The following NIN variants were observed in gnomAD, a reference collection of about 807,000 sequenced individuals.
NIN encodes ninein, also known as glycogen synthase kinase 3 beta-interacting protein.
In NIN, 137 loss-of-function variants were observed where a neutral mutation model predicts 257.6. That is an observed-to-expected ratio of 0.53 (90% confidence interval 0.46 to 0.61). NIN has a LOEUF of 0.61. Ranked by LOEUF, NIN falls within the 20% of genes least tolerant of loss-of-function variation. The probability of loss-of-function intolerance (pLI) is 0.00; values close to 1 mark genes in which losing one functional copy is unlikely to be tolerated. For synonymous variants in NIN, 918 were observed against 919.8 expected, an observed-to-expected ratio of 1.00 and a Z score of 0.04; for missense variants, 2,439 against 2,501.2, an observed-to-expected ratio of 0.98 and a Z score of 0.53.
At chr14:50,817,753 G>A (rs575414095) in intron 3 of NIN, among the ~76,000 whole-genome samples, 1 of 152,202 alleles carries the variant, frequency 6.6e-6, no homozygotes, top group African/African-American at 2.4e-5. Flanking sequence ...ATCTCGCTCT[G>A]TCGCCAGGCT....
chr14:50,811,213 A>C (rs1460583310), intron 3 of NIN, among the ~76,000 whole-genome samples: 2 of 151,146 alleles, frequency 1.3e-5, no homozygotes, highest in Non-Finnish European at 2.9e-5. Flanking sequence ...GGTTCAAGCA[A>C]TTCTCCTGCC....
At chr14:50,791,306 G>A (rs1480326029) in intron 5 of NIN, among the ~76,000 whole-genome samples, 1 of 152,132 alleles carries the variant, frequency 6.6e-6, no homozygotes, top group East Asian at 1.9e-4. Context: ...TTTTACTGGG[G>A]AAAGACCCCT....
intron 16 of NIN, among the ~76,000 whole-genome samples, chr14:50,761,141 C>T (rs1234743121): frequency 6.6e-6 from 1 of 151,688 alleles, no homozygotes; most frequent in African/African-American, 2.4e-5. Flanking sequence ...AAAAGGTATA[C>T]AAAAAAGAGC....
chr14:50,748,088 A>C lies in NIN; in HGVS notation c.4968T>G (p.Ser1656=), dbSNP rs762240872. The C allele has an allele frequency of 3.1e-6, 5 of 1,612,934 alleles. No individual in the cohort carries two copies. In the East Asian group the frequency reaches 8.9e-5, roughly 29 times the overall value. The change falls in exon 22 of 31, where the codon TCT becomes TCG. Residue 1656 remains serine (S), a synonymous_variant. Transcript: ENST00000530997. Reference sequence around the variant, plus strand: ...CTTCAGAGAGCTCCGCCTCCAGAGAAGACACTAAAGTGGAGGACTAAGAGA... The same window carrying C: ...CTTCAGAGAGCTCCGCCTCCAGAGACGACACTAAAGTGGAGGACTAAGAGA... ...RCKVQSSTLV[S]SLEAELSEVK...
At chr14:50,775,952 A>T (rs1019121844) in intron 7 of NIN, among the ~76,000 whole-genome samples, 5 of 152,200 alleles carry the variant, frequency 3.3e-5, no homozygotes, top group Non-Finnish European at 5.9e-5. Flanking sequence ...CAACAAAAAA[A>T]ATTTTCTGTA....
intron 10 of NIN, 28 bp from the exon 11 acceptor site, chr14:50,771,020 G>A: frequency 2.5e-6 from 4 of 1,605,322 alleles, no homozygotes; most frequent in Non-Finnish European, 3.4e-6. Flanking sequence ...CTGAGTTAAT[G>A]GGAAACTGTT....
Position 50,729,255 on chromosome 14 carries a change from G to T in NIN, c.6078+268C>A, listed in dbSNP as rs903300916. 4.0e-4 allele frequency among the ~76,000 whole-genome samples: 54 copies of T among 133,660 alleles called. 1 individual carries two copies. The highest frequency in any genetic ancestry group is 1.9e-3 in the South Asian group (8 of 4,242). The allele number at this position is 133,660 out of a possible 152,430, so 87.7% of individuals were successfully genotyped here. ...AAAGAAGATTTAGGATTGTGATTTT[G>T]TTTTTTTTTTTTTTAATTTAAGAGA... is the stretch of plus-strand genomic sequence containing the variant. On this transcript the variant is annotated intron_variant, in intron 29 of 30. Transcript: ENST00000530997.
chr14:50,831,113 C>T lies in NIN; in HGVS notation c.-183G>A, dbSNP rs1027579518. ...CGGCCGCGCCCAGCGCGCTCGGCTC[C>T]CGGCTCGGCCGCGGCCACCCGGAGC... On this transcript the variant is annotated 5_prime_UTR_variant, in exon 1 of 31. Transcript: ENST00000530997. 2 of 149,778 alleles carry T rather than the reference C, an allele frequency of 1.3e-5. No homozygotes were observed. Among genetic ancestry groups the T allele is most frequent in the African/African-American group, 4.9e-5 (2 of 41,182 alleles). 9.3% of individuals were successfully genotyped at this position (149,778 alleles called of 1,614,324 possible).
At chr14:50,815,778 G>C (rs910655792) in intron 3 of NIN, among the ~76,000 whole-genome samples, 1 of 152,196 alleles carries the variant, frequency 6.6e-6, no homozygotes, top group African/African-American at 2.4e-5. Flanking sequence ...GGGAGGACGA[G>C]GTGGGCGGAT....
At position 50,743,433 on chromosome 14, in the gene NIN, C is replaced by T. The variant is rs980737371; in HGVS notation, c.5284G>A (p.Val1762Met). 5 of 1,611,372 alleles carry T rather than the reference C, an allele frequency of 3.1e-6. No individual in the cohort carries two copies. The highest frequency in any genetic ancestry group is 1.7e-5 in the Admixed American group (1 of 60,020). ...CCATGTACCTTTTCCTGAGAAGCCA[C>T]CAGCTGTGACTTTAAGCTCGCACTC... Reference protein sequence around the residue: ...HQSASLKSQLVASQEKVQNLE... With the variant: ...HQSASLKSQLMASQEKVQNLE... Residue 1762 changes from valine to methionine, a missense_variant, in exon 24 of 31, where the codon GTG (valine) becomes ATG (methionine). By Grantham distance (21) the Val-to-Met change is conservative (BLOSUM62 1). Coordinates refer to ENST00000530997, the MANE Select transcript of NIN (RefSeq NM_020921.4).
chr14:50,802,771 A>G (rs2044153679), intron 4 of NIN, among the ~76,000 whole-genome samples: 1 of 152,236 alleles, frequency 6.6e-6, no homozygotes, highest in Non-Finnish European at 1.5e-5. Context: ...AGGTCATGAT[A>G]TATAAGATCA....
intron 2 of NIN, among the ~76,000 whole-genome samples, chr14:50,829,967 G>T (rs1400568430): frequency 6.6e-6 from 1 of 152,112 alleles, no homozygotes; most frequent in Non-Finnish European, 1.5e-5. Flanking sequence ...ATGTCATTTT[G>T]TTCTTTCCCC....
In NIN at chr14:50,738,251, G is replaced by A. The variant is rs778353719; in HGVS notation, c.5664C>T (p.His1888=). 1 of 1,613,682 alleles carries A rather than the reference G, an allele frequency of 6.2e-7. No homozygotes were observed. The highest frequency in any genetic ancestry group is 2.2e-5 in the East Asian group (1 of 44,870). ...RQLESNLLPK[H]QKHLNPSGTM... is the part of the protein sequence containing the mutation. ...TACCTGATGGGTTTAGATGTTTTTG[G>A]TGCTTGGGAAGAAGATTGGATTCCA... The change falls in exon 27 of 31, where the codon CAC becomes CAT. Residue 1888 remains histidine, a synonymous_variant. Coordinates refer to ENST00000530997, the MANE Select transcript of NIN (RefSeq NM_020921.4).
chr14:50,808,953 G>A (rs1319002386), intron 3 of NIN, among the ~76,000 whole-genome samples: 1 of 152,154 alleles, frequency 6.6e-6, no homozygotes, highest in Non-Finnish European at 1.5e-5. Flanking sequence ...AGGCACAGTG[G>A]CTCACGCCTG....
intron 2 of NIN, among the ~76,000 whole-genome samples, chr14:50,826,904 T>C (rs531618436): frequency 6.6e-6 from 1 of 152,238 alleles, no homozygotes; most frequent in East Asian, 1.9e-4. Context: ...TAGATGCTTT[T>C]GGACCTGTGT....
In NIN at chr14:50,759,960, G is replaced by A. The variant is rs1397712151; in HGVS notation, c.2296C>T (p.His766Tyr). Reference protein sequence around the residue: ...RGLTQELEQFHQEQLTSLVEK... With the variant: ...RGLTQELEQFYQEQLTSLVEK... ...ACCAGGCTTGTCAGCTGCTCCTGGTGAAACTGCTCTAGTTCCTGAGTCAAG... is the reference window on the plus strand; with the variant it reads ...ACCAGGCTTGTCAGCTGCTCCTGGTAAAACTGCTCTAGTTCCTGAGTCAAG... The change falls in exon 17 of 31, where the codon CAC becomes TAC. Residue 766 changes from histidine to tyrosine, a missense_variant. Coordinates refer to ENST00000530997, the MANE Select transcript of NIN (RefSeq NM_020921.4). 5 of 1,614,134 alleles carry A rather than the reference G, an allele frequency of 3.1e-6. 1 individual carries two copies. The South Asian group carries it at 4.4e-5, about 14-fold the overall frequency.
chr14:50,790,222 AT>A (rs138284158), intron 5 of NIN, among the ~76,000 whole-genome samples: 2 of 151,956 alleles, frequency 1.3e-5, no homozygotes, highest in East Asian at 3.9e-4. Context: ...TGCTCAGTTA[AT>A]TTTTTTGAGT....
chr14:50,730,314 A>G (rs541552389), intron 28 of NIN, among the ~76,000 whole-genome samples: 3 of 152,188 alleles, frequency 2.0e-5, no homozygotes, highest in Non-Finnish European at 4.4e-5. Flanking sequence ...ACATCTGGGA[A>G]CTGGAGAACA....
At chr14:50,787,753 T>G (rs954920902) in intron 5 of NIN, among the ~76,000 whole-genome samples, 4 of 152,232 alleles carry the variant, frequency 2.6e-5, no homozygotes, top group African/African-American at 9.6e-5. Context: ...GACCTACCTG[T>G]CACTTATGAA....
Sources: allele counts gnomAD v4.1 joint callset (sites outside exome capture counted in the v4.1 genomes callset), GRCh38; gene constraint gnomAD v4.1.1; transcripts MANE v1.5; gene names NCBI Gene and HGNC (gene_info 2026-07-23, HGNC 2026-07-21).